The following BBS9 variants were observed in gnomAD, a reference collection of about 807,000 sequenced individuals.
BBS9 encodes the protein protein PTHB1.
BBS9 carries 89 observed loss-of-function variants against 117.7 expected under a neutral mutation model. The ratio of observed to expected loss-of-function variants is 0.76; its 90% confidence interval spans 0.64 to 0.90. BBS9 has a LOEUF of 0.90. Among genes scored for constraint, BBS9 ranks in the 40% least tolerant of loss-of-function variants. BBS9 has a pLI of 0.00. For synonymous variants in BBS9, 379 were observed against 370.9 expected (o/e 1.02, Z -0.25); for missense variants, 982 against 1,042.2 (o/e 0.94, Z 0.80).
intron 5 of BBS9, among the ~76,000 whole-genome samples, chr7:33,220,974 A>G (rs1790132794): frequency 6.6e-6 from 1 of 152,244 alleles, no homozygotes; most frequent in Non-Finnish European, 1.5e-5. Context: ...TGTAAGAGAA[A>G]AATCTAAAGC....
At chr7:33,254,880 G>C (rs1796781673) in intron 5 of BBS9, among the ~76,000 whole-genome samples, 1 of 151,870 alleles carries the variant, frequency 6.6e-6, no homozygotes, top group South Asian at 2.1e-4. Flanking sequence ...ATCTCATTGT[G>C]GTTTTGATTT....
intron 17 of BBS9, among the ~76,000 whole-genome samples, chr7:33,373,711 G>A (rs1823285282): frequency 6.6e-6 from 1 of 152,162 alleles, no homozygotes; most frequent in African/African-American, 2.4e-5. Context: ...TACATCGGAT[G>A]TTTCAATATC....
chr7:33,164,371 G>A (rs1033526659), intron 4 of BBS9, among the ~76,000 whole-genome samples: 2 of 152,258 alleles, frequency 1.3e-5, no homozygotes, highest in Admixed American at 1.3e-4. Flanking sequence ...CTGAGTTCAA[G>A]TCCTGGATAT....
At chr7:33,159,519 G>T (rs1221268275) in intron 4 of BBS9, among the ~76,000 whole-genome samples, 1 of 152,156 alleles carries the variant, frequency 6.6e-6, no homozygotes, top group Non-Finnish European at 1.5e-5. Context: ...CTTGTCTGTT[G>T]GGACCTAGTG....
At chr7:33,622,279 AAGTC>A (rs1865449334) in intron 21 of BBS9, among the ~76,000 whole-genome samples, 1 of 152,174 alleles carries the variant, frequency 6.6e-6, no homozygotes, top group African/African-American at 2.4e-5. Flanking sequence ...GAATGTAAGA[AAGTC>A]AGACTCATAG....
chr7:33,254,824 TGTAAATGGTAGGA>T (rs1796772136), intron 5 of BBS9, among the ~76,000 whole-genome samples: 1 of 152,184 alleles, frequency 6.6e-6, no homozygotes, highest in Non-Finnish European at 1.5e-5. Flanking sequence ...TCCATGTTGT[TGTAAATGGTAGGA>T]TTTCTTTCTT....
intron 21 of BBS9, among the ~76,000 whole-genome samples, chr7:33,620,819 C>T (rs1865369257): frequency 6.6e-6 from 1 of 152,164 alleles, no homozygotes; most frequent in South Asian, 2.1e-4. Flanking sequence ...GGAGGCATCA[C>T]ACTACCTGAT....
At chr7:33,279,931 A>G (rs892981663) in intron 9 of BBS9, among the ~76,000 whole-genome samples, 3 of 152,240 alleles carry the variant, frequency 2.0e-5, no homozygotes, top group Admixed American at 1.3e-4. Context: ...AAATATATCT[A>G]CAAGTGTGGA....
intron 5 of BBS9, among the ~76,000 whole-genome samples, chr7:33,202,754 C>T (rs1786110672): frequency 6.6e-6 from 1 of 152,132 alleles, no homozygotes; most frequent in African/African-American, 2.4e-5. Flanking sequence ...TACCTCCCAC[C>T]AGGCACCTCC....
chr7:33,538,417 A>C (rs1443575453), intron 21 of BBS9, among the ~76,000 whole-genome samples: 1 of 152,178 alleles, frequency 6.6e-6, no homozygotes, highest in Non-Finnish European at 1.5e-5. Flanking sequence ...ACAGAGTATA[A>C]ATGTGAATAA....
chr7:33,399,956 C>G (rs115152637), intron 19 of BBS9, among the ~76,000 whole-genome samples: 1,764 of 152,152 alleles, frequency 0.012, 34 homozygotes, highest in African/African-American at 0.04. Flanking sequence ...TAATAACCAT[C>G]TGGTATGCTT....
intron 21 of BBS9, among the ~76,000 whole-genome samples, chr7:33,588,067 C>G (rs1196953390): frequency 3.9e-5 from 6 of 152,090 alleles, no homozygotes; most frequent in Admixed American, 3.3e-4. Flanking sequence ...TTATCAAGAA[C>G]TGGAATTACA....
rs565596307 is a variant in BBS9, at chr7:33,631,422, G to C, written c.2522-3755G>C. Among the ~76,000 whole-genome samples, 15 of 152,254 alleles carry C rather than the reference G, an allele frequency of 9.9e-5. No individual in the cohort carries two copies. The South Asian group carries it at 3.1e-3, about 32-fold the overall frequency. On this transcript the variant is annotated intron_variant, in intron 21 of 21. Coordinates refer to the BBS9 transcript ENST00000671952. ...CTTTAATGACCTTGTCCTCTCCAAA[G>C]GATGAAATGTCCCCACTCTGGCCTC...
intron 21 of BBS9, 150 bp from the exon 22 acceptor site, chr7:33,604,715 T>G (rs10274934): frequency 4.3e-6 from 3 of 692,692 alleles, no homozygotes; most frequent in African/African-American, 3.5e-5. Flanking sequence ...AAAGAAACAT[T>G]TAAGGTTATT....
intron 16 of BBS9, among the ~76,000 whole-genome samples, chr7:33,359,663 A>G (rs1471220378): frequency 1.3e-5 from 2 of 152,118 alleles, no homozygotes; most frequent in East Asian, 3.9e-4. Context: ...CTCTGATAAA[A>G]GTAAGACTTA....
chr7:33,609,342 C>T (rs369305640), downstream of BBS9, among the ~76,000 whole-genome samples: 75 of 152,170 alleles, frequency 4.9e-4, no homozygotes, highest in African/African-American at 1.6e-3. Context: ...TATGTTCATG[C>T]GATTTACTCT....
At chr7:33,503,984 C>T (rs551407258) in intron 19 of BBS9, among the ~76,000 whole-genome samples, 39 of 152,322 alleles carry the variant, frequency 2.6e-4, no homozygotes, top group African/African-American at 9.1e-4. Flanking sequence ...ACTTCTTTCA[C>T]ACTTACTTTC....
chr7:33,454,252 G>A (rs138560823), intron 19 of BBS9, among the ~76,000 whole-genome samples: 1 of 152,200 alleles, frequency 6.6e-6, no homozygotes, highest in Admixed American at 6.5e-5. Flanking sequence ...AAATGTATGA[G>A]TTCATATAAC....
intron 9 of BBS9, among the ~76,000 whole-genome samples, chr7:33,297,054 T>C (rs1220970934): frequency 6.6e-6 from 1 of 152,276 alleles, no homozygotes. Flanking sequence ...AAAAGAGTCA[T>C]TGTTGACATG....
Sources: gnomAD v4.1 joint callset for allele counts (sites outside exome capture counted in the v4.1 genomes callset) on GRCh38, gnomAD v4.1.1 for gene constraint, MANE v1.5 for transcripts, NCBI Gene and HGNC (gene_info 2026-07-23, HGNC 2026-07-21) for gene names.